CWF19L2: variants seen among roughly 807,000 people sequenced by gnomAD.
The protein encoded by CWF19L2 is CWF19-like protein 2.
A neutral mutation model predicts 111.7 loss-of-function variants in CWF19L2; 98 were observed. The ratio of observed to expected loss-of-function variants is 0.88; its 90% confidence interval spans 0.75 to 1.04. The LOEUF (loss-of-function observed/expected upper bound fraction) is 1.04. Ranked by LOEUF, CWF19L2 falls within the 50% of genes least tolerant of loss-of-function variation. CWF19L2 has a pLI of 0.00. For missense variants in CWF19L2, 1,101 were observed against 1,051.4 expected, an observed-to-expected ratio of 1.05 and a Z score of -0.65; for synonymous variants, 351 against 342.9, an observed-to-expected ratio of 1.02 and a Z score of -0.26.
At chr11:107,407,210 A>G (rs575748567) in intron 10 of CWF19L2, among the ~76,000 whole-genome samples, 1 of 152,140 alleles carries the variant, frequency 6.6e-6, no homozygotes, top group African/African-American at 2.4e-5. Context: ...TTCAGTTTTT[A>G]TAAAGCACAT....
intron 3 of CWF19L2, among the ~76,000 whole-genome samples, chr11:107,449,328 T>C (rs1285443829): frequency 2.0e-5 from 3 of 152,042 alleles, no homozygotes; most frequent in Non-Finnish European, 4.4e-5. Flanking sequence ...TTATAATACA[T>C]GTTAATGAAA....
At position 107,327,891 on chromosome 11, in the gene CWF19L2, G is replaced by A. The variant is rs76258765; in HGVS notation, c.2542-838C>T. 3.0e-3 allele frequency among the ~76,000 whole-genome samples: 461 copies of A among 152,260 alleles called. 1 individual carries two copies. Among genetic ancestry groups the A allele is most frequent in the African/African-American group, 0.011 (446 of 41,568 alleles). On this transcript the variant is annotated intron_variant, in intron 17 of 17. Coordinates refer to ENST00000282251, the MANE Select transcript of CWF19L2 (RefSeq NM_152434.3). ...AGTCGGTCTAGCTCCACCAGACTGTGTGGTGAGATCCTGCACAAACCACAT... is the reference window on the plus strand; with the variant it reads ...AGTCGGTCTAGCTCCACCAGACTGTATGGTGAGATCCTGCACAAACCACAT...
At chr11:107,362,326 C>T (rs1765736974) in intron 12 of CWF19L2, among the ~76,000 whole-genome samples, 1 of 151,882 alleles carries the variant, frequency 6.6e-6, no homozygotes, top group Non-Finnish European at 1.5e-5. Flanking sequence ...CCCACCACAG[C>T]TCAAGGAGGA....
intron 3 of CWF19L2, among the ~76,000 whole-genome samples, chr11:107,453,281 C>T (rs1347777868): frequency 6.6e-6 from 1 of 152,070 alleles, no homozygotes; most frequent in Non-Finnish European, 1.5e-5. Context: ...CTTGGTGACT[C>T]CTAGTGCTAA....
intron 12 of CWF19L2, among the ~76,000 whole-genome samples, chr11:107,361,790 G>GC (rs1860342917): frequency 6.6e-6 from 1 of 152,184 alleles, no homozygotes; most frequent in African/African-American, 2.4e-5. Context: ...ATGGTGTATA[G>GC]AAATGCTACT....
At chr11:107,380,112 T>C (rs1860662251) in intron 12 of CWF19L2, among the ~76,000 whole-genome samples, 1 of 128,904 alleles carries the variant, frequency 7.8e-6, no homozygotes, top group Non-Finnish European at 1.6e-5. Flanking sequence ...CTATGAAAAC[T>C]AGAGGCTTAT....
intron 12 of CWF19L2, among the ~76,000 whole-genome samples, chr11:107,375,170 T>C (rs1860579500): frequency 7.5e-6 from 1 of 134,050 alleles, no homozygotes; most frequent in African/African-American, 2.9e-5. Context: ...ACATTAATAA[T>C]GGGAGACTTT....
At chr11:107,429,646 AAAT>A (rs1286137549) in intron 7 of CWF19L2, among the ~76,000 whole-genome samples, 195 bp from the exon 8 acceptor site, 4 of 152,194 alleles carry the variant, frequency 2.6e-5, no homozygotes, top group African/African-American at 7.2e-5. Context: ...AAAAATTATT[AAAT>A]AACAAAAAGA....
chr11:107,455,782 A>G lies in CWF19L2; in HGVS notation c.106-6T>C. The G allele has an allele frequency of 1.3e-6, 2 of 1,524,654 alleles. No individual in the cohort carries two copies. The highest frequency in any genetic ancestry group is 8.8e-7 in the Non-Finnish European group (1 of 1,130,356). 94.4% of individuals were successfully genotyped at this position (1,524,654 alleles called of 1,614,324 possible). ...TTTTCAAAATTGGCTTTAGCCTACA[A>G]CCAAAGAAAAAAAAAAGACAAACTG... On this transcript the variant is annotated splice_polypyrimidine_tract_variant and splice_region_variant and intron_variant, in intron 1 of 17. Transcript: ENST00000282251.
chr11:107,391,227 T>G (rs1216000558), intron 11 of CWF19L2, among the ~76,000 whole-genome samples: 1 of 152,164 alleles, frequency 6.6e-6, no homozygotes, highest in African/African-American at 2.4e-5. Flanking sequence ...AAACTCCCCT[T>G]CATATATACA....
At chr11:107,342,580 G>A (rs1033383945) in intron 14 of CWF19L2, among the ~76,000 whole-genome samples, 4 of 151,948 alleles carry the variant, frequency 2.6e-5, no homozygotes, top group African/African-American at 9.7e-5. Flanking sequence ...GCAAGATAGA[G>A]TCTATGCTCT....
chr11:107,344,256 G>A (rs775397310), intron 14 of CWF19L2, among the ~76,000 whole-genome samples: 22 of 152,132 alleles, frequency 1.4e-4, no homozygotes, highest in Non-Finnish European at 2.6e-4. Context: ...GCTAGTGGCT[G>A]CATCATTTCA....
intron 17 of CWF19L2, 91 bp downstream of exon 17, chr11:107,329,827 T>C: frequency 1.1e-6 from 1 of 924,132 alleles, no homozygotes; most frequent in Non-Finnish European, 1.6e-6. Flanking sequence ...CCAATTTCTT[T>C]GTATACTGTG....
intron 14 of CWF19L2, among the ~76,000 whole-genome samples, chr11:107,344,583 G>A (rs946970868): frequency 1.8e-4 from 27 of 152,100 alleles, no homozygotes; most frequent in African/African-American, 4.1e-4. Flanking sequence ...TGAGAAATGC[G>A]CTGTCATTCA....
chr11:107,343,989 C>A (rs554438004), intron 14 of CWF19L2, among the ~76,000 whole-genome samples: 1 of 152,188 alleles, frequency 6.6e-6, no homozygotes, highest in South Asian at 2.1e-4. Flanking sequence ...CTGAGGTAGG[C>A]ATATCACCTG....
At chr11:107,394,983 T>A (rs982308762) in intron 10 of CWF19L2, among the ~76,000 whole-genome samples, 1 of 152,218 alleles carries the variant, frequency 6.6e-6, no homozygotes, top group African/African-American at 2.4e-5. Flanking sequence ...CATTAAATAT[T>A]TGTTACTAAT....
intron 12 of CWF19L2, among the ~76,000 whole-genome samples, chr11:107,380,046 C>CAAAAAAAAAAAAAAAAAAAAAA (rs66699460): frequency 1.4e-4 from 5 of 34,490 alleles, no homozygotes; most frequent in South Asian, 1.8e-3. Flanking sequence ...GACACCGTCT[C>CAAAAAAAAAAAAAAAAAAAAAA]AAAAAAAAAA....
chr11:107,361,666 A>G (rs1759048541), intron 12 of CWF19L2, among the ~76,000 whole-genome samples: 1 of 152,132 alleles, frequency 6.6e-6, no homozygotes, highest in South Asian at 2.1e-4. Context: ...GGTGCTTTAT[A>G]CTTTTCCCTG....
intron 3 of CWF19L2, among the ~76,000 whole-genome samples, chr11:107,450,707 AAAAAG>A (rs1052986543): frequency 3.3e-5 from 5 of 152,158 alleles, no homozygotes; most frequent in Non-Finnish European, 7.3e-5. Flanking sequence ...AAACACACAA[AAAAAG>A]AAAACTGAAG....
Sources: gnomAD v4.1 joint callset for allele counts (sites outside exome capture counted in the v4.1 genomes callset) on GRCh38, gnomAD v4.1.1 for gene constraint, MANE v1.5 for transcripts, NCBI Gene and HGNC (gene_info 2026-07-23, HGNC 2026-07-21) for gene names.